The following UBQLN1 variants were observed in gnomAD, a reference collection of about 807,000 sequenced individuals.
The protein encoded by UBQLN1 is ubiquilin 1.
A neutral mutation model predicts 65.4 loss-of-function variants in UBQLN1; 13 were observed. That is an observed-to-expected ratio of 0.20 (90% CI 0.13 to 0.32). The LOEUF (loss-of-function observed/expected upper bound fraction) is 0.32, where lower values mean the gene tolerates loss of function less well. UBQLN1 is among the 10% of genes least tolerant of loss of function. The pLI is 1.00. For missense variants in UBQLN1, 561 were observed against 724.0 expected, an observed-to-expected ratio of 0.77 and a Z score of 2.58; for synonymous variants, 267 against 247.8, an observed-to-expected ratio of 1.08 and a Z score of -0.73.
intron 1 of UBQLN1, among the ~76,000 whole-genome samples, chr9:83,688,102 G>C (rs1480993657): frequency 6.6e-6 from 1 of 152,100 alleles, no homozygotes; most frequent in Non-Finnish European, 1.5e-5. Context: ...ATCCGAAATA[G>C]TAATATAATG....
At chr9:83,693,844 G>C (rs1832166498) in intron 1 of UBQLN1, among the ~76,000 whole-genome samples, 1 of 152,180 alleles carries the variant, frequency 6.6e-6, no homozygotes, top group African/African-American at 2.4e-5. Flanking sequence ...CTAGTTGTGT[G>C]ACCTGGAGGA....
intron 6 of UBQLN1, among the ~76,000 whole-genome samples, chr9:83,669,873 T>C (rs1831703192): frequency 6.6e-6 from 1 of 152,146 alleles, no homozygotes; most frequent in Non-Finnish European, 1.5e-5. Flanking sequence ...CTCCAAGCAG[T>C]ATCAGGAGCC....
At chr9:83,706,236 C>T (rs1474168929) in intron 1 of UBQLN1, among the ~76,000 whole-genome samples, 3 of 152,138 alleles carry the variant, frequency 2.0e-5, no homozygotes, top group African/African-American at 7.2e-5. Flanking sequence ...AATTGCTCCC[C>T]AAAATTAAAT....
Position 83,677,849 on chromosome 9 carries a change from G to A in UBQLN1, c.983C>T (p.Thr328Ile). The A allele has an allele frequency of 2.5e-6, 4 of 1,614,188 alleles. No individual in the cohort carries two copies. Among genetic ancestry groups the A allele is most frequent in the Non-Finnish European group, 3.4e-6 (4 of 1,180,044 alleles). The change falls in exon 6 of 11, where the codon ACT becomes ATT. Residue 328 changes from threonine to isoleucine, a missense_variant. By Grantham distance (89) the Thr-to-Ile change is moderately conservative. Transcript: ENST00000376395. ...DPLPNPWAPQ[T>I]SQSSSASSGT... The stretch of plus-strand genomic sequence containing the variant: ...GCTGGAAGCTGATGAACTCTGGGAA[G>A]TCTGTGGAGCCCATGGATTGGGTAG...
At chr9:83,667,903 T>C (rs998390625) in intron 7 of UBQLN1, 8 of 976,300 alleles carry the variant, frequency 8.2e-6, no homozygotes, top group Admixed American at 6.2e-5. Flanking sequence ...AATCTAGTAC[T>C]AGCAACATTT....
At chr9:83,683,850 T>C (rs1396194653) in intron 2 of UBQLN1, among the ~76,000 whole-genome samples, 1 of 152,034 alleles carries the variant, frequency 6.6e-6, no homozygotes, top group African/African-American at 2.4e-5. Flanking sequence ...GGTAAAACCC[T>C]ATCTCTACTA....
At chr9:83,668,967 A>C (rs1831686626) in intron 7 of UBQLN1, 1 of 492,796 alleles carries the variant, frequency 2.0e-6, no homozygotes, top group Non-Finnish European at 3.3e-6. Context: ...ACTTCTTTCT[A>C]GTCAATGAAT....
chr9:83,662,215 T>C (rs1414135083), intron 10 of UBQLN1, among the ~76,000 whole-genome samples: 1 of 151,828 alleles, frequency 6.6e-6, no homozygotes, highest in East Asian at 1.9e-4. Flanking sequence ...ACCATTATTT[T>C]AGAGGATCAC....
At chr9:83,683,342 G>A (rs1159208657) in intron 2 of UBQLN1, among the ~76,000 whole-genome samples, 2 of 150,826 alleles carry the variant, frequency 1.3e-5, no homozygotes, top group Non-Finnish European at 1.5e-5. Flanking sequence ...AACCCAGGAG[G>A]CGGAGCTTGC....
At chr9:83,689,406 G>C (rs1479317966) in intron 1 of UBQLN1, among the ~76,000 whole-genome samples, 1 of 152,116 alleles carries the variant, frequency 6.6e-6, no homozygotes, top group Non-Finnish European at 1.5e-5. Flanking sequence ...GACTAAATGG[G>C]CAAAAATGAA....
chr9:83,706,099 T>A (rs1426246670), intron 1 of UBQLN1, among the ~76,000 whole-genome samples: 2 of 148,274 alleles, frequency 1.3e-5, no homozygotes, highest in Non-Finnish European at 3.0e-5. Context: ...GGCAACCATA[T>A]GCATTTCACT....
intron 6 of UBQLN1, among the ~76,000 whole-genome samples, chr9:83,671,125 C>G (rs1048454752): frequency 1.3e-5 from 2 of 152,158 alleles, no homozygotes; most frequent in Non-Finnish European, 2.9e-5. Context: ...GCCAACACAC[C>G]TGGCAGGCTC....
At chr9:83,703,062 T>A (rs1832337591) in intron 1 of UBQLN1, among the ~76,000 whole-genome samples, 1 of 152,094 alleles carries the variant, frequency 6.6e-6, no homozygotes, top group African/African-American at 2.4e-5. Flanking sequence ...TGCACTAATG[T>A]CTCACATATA....
intron 10 of UBQLN1, 143 bp downstream of exon 10, chr9:83,663,732 A>C: frequency 1.2e-6 from 1 of 818,690 alleles, no homozygotes; most frequent in Non-Finnish European, 1.7e-6. Context: ...TTTCTTACTC[A>C]ATATCCTTAA....
At chr9:83,683,414 CAAAAA>C (rs766459859) in intron 2 of UBQLN1, among the ~76,000 whole-genome samples, 1 of 70,958 alleles carries the variant, frequency 1.4e-5, no homozygotes, top group Non-Finnish European at 2.6e-5. Context: ...GACTCCGTCT[CAAAAA>C]AAAAAAAAAA....
At chr9:83,676,872 T>C (rs1831842092) in intron 6 of UBQLN1, among the ~76,000 whole-genome samples, 1 of 152,224 alleles carries the variant, frequency 6.6e-6, no homozygotes, top group Non-Finnish European at 1.5e-5. Context: ...ATCTTGGACC[T>C]AATTCATGGA....
intron 1 of UBQLN1, among the ~76,000 whole-genome samples, chr9:83,704,824 CAAAA>C (rs780432842): frequency 1.0e-4 from 7 of 69,542 alleles, no homozygotes; most frequent in East Asian, 4.7e-4. Flanking sequence ...GACTCCATCT[CAAAA>C]AAAAAAAAAA....
chr9:83,679,449 G>A (rs1831903797), intron 4 of UBQLN1, among the ~76,000 whole-genome samples: 1 of 152,064 alleles, frequency 6.6e-6, no homozygotes, highest in Admixed American at 6.6e-5. Flanking sequence ...AATAATCCCT[G>A]GTGTATTTCA....
At chr9:83,707,433 C>A in intron 1 of UBQLN1, 67 bp downstream of exon 1, 3 of 1,509,656 alleles carry the variant, frequency 2.0e-6, no homozygotes, top group Non-Finnish European at 2.7e-6. Flanking sequence ...TCCAAAAGGT[C>A]TCCTGGGGCG....
Sources: gnomAD v4.1 joint callset for allele counts (sites outside exome capture counted in the v4.1 genomes callset) on GRCh38, gnomAD v4.1.1 for gene constraint, MANE v1.5 for transcripts, NCBI Gene and HGNC (gene_info 2026-07-23, HGNC 2026-07-21) for gene names.